The following TMPRSS15 variants were observed in gnomAD, a reference collection of about 807,000 sequenced individuals.
The protein encoded by TMPRSS15 is transmembrane serine protease 15.
In TMPRSS15, 128 loss-of-function variants were observed where a neutral mutation model predicts 125.3. That is an observed-to-expected ratio of 1.02 (90% CI 0.89 to 1.18). TMPRSS15 has a LOEUF of 1.18. Ranked by LOEUF, TMPRSS15 falls within the 50% of genes most tolerant of loss-of-function variation. The pLI, the probability that TMPRSS15 is intolerant of heterozygous loss-of-function variation, is 0.00. For missense variants in TMPRSS15, 1,283 were observed against 1,212.7 expected (o/e 1.06, Z -0.86); for synonymous variants, 446 against 423.2 (o/e 1.05, Z -0.66).
chr21:18,334,765 T>G (rs933949427), intron 13 of TMPRSS15, among the ~76,000 whole-genome samples: 3 of 152,196 alleles, frequency 2.0e-5, no homozygotes, highest in African/African-American at 7.2e-5. Context: ...CCACAGTAAT[T>G]TACTGTCTCC....
chr21:18,272,044 G>A (rs1021948239), intron 24 of TMPRSS15, among the ~76,000 whole-genome samples: 2 of 152,132 alleles, frequency 1.3e-5, no homozygotes, highest in Non-Finnish European at 2.9e-5. Context: ...ATAAATACAC[G>A]TGTGCATATG....
At chr21:18,397,604 TC>T (rs1268000951) in intron 3 of TMPRSS15, among the ~76,000 whole-genome samples, 2 of 152,130 alleles carry the variant, frequency 1.3e-5, no homozygotes, top group African/African-American at 4.8e-5. Flanking sequence ...TCGTAGCAAG[TC>T]AAATACTATA....
intron 17 of TMPRSS15, among the ~76,000 whole-genome samples, chr21:18,314,460 T>C (rs1223121353): frequency 6.6e-6 from 1 of 152,108 alleles, no homozygotes; most frequent in Non-Finnish European, 1.5e-5. Flanking sequence ...GTATTTTTAG[T>C]AGAGACAGGG....
intron 1 of TMPRSS15, among the ~76,000 whole-genome samples, chr21:18,439,952 G>A (rs1468072475): frequency 6.6e-6 from 1 of 152,190 alleles, no homozygotes; most frequent in Non-Finnish European, 1.5e-5. Flanking sequence ...AGGGAAACTT[G>A]TAAAGGTTGT....
chr21:18,312,690 A>G (rs1601317356), intron 18 of TMPRSS15, among the ~76,000 whole-genome samples: 1 of 151,842 alleles, frequency 6.6e-6, no homozygotes, highest in South Asian at 2.1e-4. Context: ...CCCACACATA[A>G]GTATTTTGTA....
chr21:18,430,064 T>C (rs928441830), intron 1 of TMPRSS15, among the ~76,000 whole-genome samples: 5 of 152,226 alleles, frequency 3.3e-5, no homozygotes, highest in African/African-American at 1.2e-4. Flanking sequence ...TTGATGCATG[T>C]TAGCACTTAT....
Position 18,317,840 on chromosome 21 carries a change from A to ATCCCATCCCG in TMPRSS15, c.1922-2585_1922-2584insCGGGATGGGA, listed in dbSNP as rs2075186721. Among the ~76,000 whole-genome samples the ATCCCATCCCG allele has an allele frequency of 8.0e-5, 2 of 25,080 alleles. 1 individual carries two copies. The highest frequency in any genetic ancestry group is 4.6e-4 in the African/African-American group (2 of 4,336). The allele number at this position is 25,080 out of a possible 152,430, so 16.5% of individuals were successfully genotyped here. On this transcript the variant is annotated intron_variant, in intron 16 of 24. Coordinates refer to ENST00000284885, the MANE Select transcript of TMPRSS15 (RefSeq NM_002772.3). The stretch of plus-strand genomic sequence containing the variant: ...ATTCTATCCTATCCCATCCTATTCC[A>ATCCCATCCCG]TCCCATCCCATCCCATCCCATCCCA...
chr21:18,370,175 C>T (rs1225760463), intron 6 of TMPRSS15, among the ~76,000 whole-genome samples: 2 of 151,912 alleles, frequency 1.3e-5, no homozygotes, highest in Non-Finnish European at 2.9e-5. Context: ...GGCTCATCTC[C>T]TGAGTTTAGA....
chr21:18,314,890 G>C (rs1299238268), intron 17 of TMPRSS15, among the ~76,000 whole-genome samples: 1 of 152,054 alleles, frequency 6.6e-6, no homozygotes, highest in African/African-American at 2.4e-5. Flanking sequence ...CTTCCTATAT[G>C]GATATTTGTT....
chr21:18,448,585 T>C (rs1000004651), intron 1 of TMPRSS15, among the ~76,000 whole-genome samples: 4 of 152,136 alleles, frequency 2.6e-5, no homozygotes, highest in Non-Finnish European at 5.9e-5. Flanking sequence ...TTTAGTTGGA[T>C]TTTTTAAAAT....
chr21:18,271,103 C>T (rs2074549957), intron 24 of TMPRSS15, among the ~76,000 whole-genome samples: 1 of 152,056 alleles, frequency 6.6e-6, no homozygotes, highest in Non-Finnish European at 1.5e-5. Context: ...CCTCCATACA[C>T]AGGAACATAA....
chr21:18,473,543 T>C (rs1404014930), intron 1 of TMPRSS15, among the ~76,000 whole-genome samples: 1 of 152,100 alleles, frequency 6.6e-6, no homozygotes, highest in Non-Finnish European at 1.5e-5. Flanking sequence ...TTCTTTTTAT[T>C]TTACCCATTA....
intron 22 of TMPRSS15, among the ~76,000 whole-genome samples, chr21:18,279,569 C>T (rs1360093752): frequency 6.6e-6 from 1 of 151,202 alleles, no homozygotes; most frequent in Non-Finnish European, 1.5e-5. Flanking sequence ...TTCCTGACCT[C>T]GTGATCTGCC....
intron 10 of TMPRSS15, among the ~76,000 whole-genome samples, chr21:18,347,682 T>A (rs2075523195): frequency 6.6e-6 from 1 of 152,244 alleles, no homozygotes. Flanking sequence ...GCTTTGCTTT[T>A]AAATTTATTA....
chr21:18,430,483 C>A (rs1273137718), intron 1 of TMPRSS15, among the ~76,000 whole-genome samples: 6 of 152,014 alleles, frequency 3.9e-5, no homozygotes. Context: ...CATTCTTTAT[C>A]TTGGTGGTGG....
chr21:18,447,439 CAAA>C (rs57558994), intron 1 of TMPRSS15, among the ~76,000 whole-genome samples: 2 of 88,140 alleles, frequency 2.3e-5, no homozygotes, highest in Admixed American at 1.4e-4. Context: ...GACTTCAACT[CAAA>C]AAAAAAAAAA....
In TMPRSS15 at chr21:18,294,265, C is replaced by A; in HGVS notation, c.2486+5G>T. ...TTGGGAAGGGACACTTGACATCACA[C>A]TCACCCATACACGCAGTGTGCGGCG... On this transcript the variant is annotated splice_donor_5th_base_variant and intron_variant, in intron 21 of 24. Transcript: ENST00000284885. The A allele has an allele frequency of 1.2e-6, 2 of 1,614,098 alleles. No individual in the cohort carries two copies. Among genetic ancestry groups the A allele is most frequent in the Non-Finnish European group, 1.7e-6 (2 of 1,180,040 alleles).
chr21:18,470,824 AT>A (rs2123282652), intron 1 of TMPRSS15, among the ~76,000 whole-genome samples: 1 of 152,206 alleles, frequency 6.6e-6, no homozygotes, highest in African/African-American at 2.4e-5. Context: ...AAAATATAGT[AT>A]AAAAAACTTT....
chr21:18,281,119 G>T lies in TMPRSS15; in HGVS notation c.2589C>A (p.Val863=). The change falls in exon 22 of 25, where the codon GTC becomes GTA. Residue 863 remains valine (V), a synonymous_variant. Coordinates refer to ENST00000284885, the MANE Select transcript of TMPRSS15 (RefSeq NM_002772.3). ...QTVPRLIDEI[V]INPHYNRRRK... is the part of the protein sequence containing the mutation. ...TTCGCCTATTGTAATGAGGGTTTAT[G>T]ACAATTTCATCTATTAATCGAGGGA... is the stretch of plus-strand genomic sequence containing the variant. 6.2e-7 allele frequency: 1 copy of T among 1,613,838 alleles called. No homozygotes were observed. Among genetic ancestry groups the T allele is most frequent in the South Asian group, 1.1e-5 (1 of 91,056 alleles).
Sources: allele counts gnomAD v4.1 joint callset (sites outside exome capture counted in the v4.1 genomes callset), GRCh38; gene constraint gnomAD v4.1.1; transcripts MANE v1.5; gene names NCBI Gene and HGNC (gene_info 2026-07-23, HGNC 2026-07-21).